The following LHFPL2 variants were observed in gnomAD, a reference collection of about 807,000 sequenced individuals.
LHFPL2 encodes LHFPL tetraspan subfamily member 2.
Under a neutral mutation model 17.5 loss-of-function variants are expected in LHFPL2, and 7 were observed. The ratio of observed to expected loss-of-function variants is 0.40; its 90% CI spans 0.23 to 0.75. The LOEUF is 0.75. LHFPL2 is among the 30% of genes least tolerant of loss of function. The pLI is 0.37. For synonymous variants in LHFPL2, 134 were observed against 116.2 expected (o/e 1.15, Z -0.99); for missense variants, 241 against 294.8 (o/e 0.82, Z 1.34).
chr5:78,586,922 G>C (rs899201713), intron 2 of LHFPL2, among the ~76,000 whole-genome samples: 18 of 152,044 alleles, frequency 1.2e-4, no homozygotes, highest in Non-Finnish European at 1.9e-4. Flanking sequence ...TCTTTTTGCT[G>C]CCTAATGAAT....
chr5:78,636,388 G>A (rs1329002264), intron 1 of LHFPL2, among the ~76,000 whole-genome samples: 1 of 152,212 alleles, frequency 6.6e-6, no homozygotes, highest in African/African-American at 2.4e-5. Flanking sequence ...CGGGTAAGGA[G>A]CTACTTCTAT....
At chr5:78,566,886 GCGAAAT>G in intron 2 of LHFPL2, among the ~76,000 whole-genome samples, 1 of 152,326 alleles carries the variant, frequency 6.6e-6, no homozygotes, top group Non-Finnish European at 1.5e-5. Flanking sequence ...AATGGCTTCT[GCGAAAT>G]ATGCCACTAG....
chr5:78,517,395 C>T (rs1157185352), intron 3 of LHFPL2, among the ~76,000 whole-genome samples: 1 of 152,214 alleles, frequency 6.6e-6, no homozygotes, highest in Non-Finnish European at 1.5e-5. Context: ...CTACCTCTGG[C>T]CACTCATTTC....
At chr5:78,643,783 G>A (rs1239219110) in intron 1 of LHFPL2, among the ~76,000 whole-genome samples, 3 of 152,110 alleles carry the variant, frequency 2.0e-5, no homozygotes, top group South Asian at 2.1e-4. Flanking sequence ...CATCAGGGTC[G>A]GGCATGGTGG....
intron 2 of LHFPL2, among the ~76,000 whole-genome samples, chr5:78,631,107 G>C (rs1211721299): frequency 6.6e-6 from 1 of 152,230 alleles, no homozygotes; most frequent in African/African-American, 2.4e-5. Flanking sequence ...GTATCAAAAT[G>C]ATTTAAACCT....
chr5:78,612,361 C>G (rs1392919633), intron 2 of LHFPL2, among the ~76,000 whole-genome samples: 1 of 152,200 alleles, frequency 6.6e-6, no homozygotes, highest in Non-Finnish European at 1.5e-5. Context: ...GGATTTGCAT[C>G]TTTCAGAACT....
At chr5:78,580,924 A>T (rs538097593) in intron 2 of LHFPL2, among the ~76,000 whole-genome samples, 1 of 152,328 alleles carries the variant, frequency 6.6e-6, no homozygotes, top group South Asian at 2.1e-4. Flanking sequence ...TTGAATCTAC[A>T]AATTACCTTG....
chr5:78,616,131 TG>T (rs67762385), intron 2 of LHFPL2, among the ~76,000 whole-genome samples: 99,762 of 133,420 alleles, frequency 0.75, 33,144 homozygotes, highest in South Asian at 0.81. Flanking sequence ...GTTGTTGTTT[TG>T]GGGGTTTTTT....
At chr5:78,542,131 T>C (rs771105432) in intron 3 of LHFPL2, among the ~76,000 whole-genome samples, 2 of 149,354 alleles carry the variant, frequency 1.3e-5, no homozygotes, top group Non-Finnish European at 3.0e-5. Flanking sequence ...TTTTTTTTAA[T>C]GTCATTAAGC....
At chr5:78,639,905 T>G (rs1745608972) in intron 1 of LHFPL2, among the ~76,000 whole-genome samples, 1 of 152,232 alleles carries the variant, frequency 6.6e-6, no homozygotes. Flanking sequence ...ATGAGGCTCC[T>G]GTGAATGCAA....
At chr5:78,532,271 G>A (rs1484353085) in intron 3 of LHFPL2, among the ~76,000 whole-genome samples, 1 of 150,916 alleles carries the variant, frequency 6.6e-6, no homozygotes, top group Non-Finnish European at 1.5e-5. Context: ...TGTTGCCCAA[G>A]CTCATCTCGA....
At chr5:78,611,352 T>A (rs1744417951) in intron 2 of LHFPL2, among the ~76,000 whole-genome samples, 1 of 152,242 alleles carries the variant, frequency 6.6e-6, no homozygotes, top group Non-Finnish European at 1.5e-5. Flanking sequence ...GGCTTTGAAC[T>A]CTGTCCATTG....
intron 2 of LHFPL2, among the ~76,000 whole-genome samples, chr5:78,616,122 T>C (rs1036496209): frequency 2.8e-5 from 1 of 36,048 alleles, no homozygotes; most frequent in Admixed American, 4.6e-4. Context: ...TTTGTTGTTG[T>C]TGTTGTTTTG....
chr5:78,492,708 G>A (rs187466208), intron 4 of LHFPL2, among the ~76,000 whole-genome samples: 11 of 152,334 alleles, frequency 7.2e-5, no homozygotes, highest in Admixed American at 7.2e-4. Flanking sequence ...ACATAAGAGT[G>A]CCATGCTTGT....
chr5:78,532,259 CATGTTGCCCAAGCT>C (rs1755805881), intron 3 of LHFPL2, among the ~76,000 whole-genome samples: 1 of 151,612 alleles, frequency 6.6e-6, no homozygotes, highest in Non-Finnish European at 1.5e-5. Flanking sequence ...GGGGTTTTGC[CATGTTGCCCAAGCT>C]CATCTCGAAC....
In LHFPL2 at chr5:78,485,795, G is replaced by A. The variant is rs1754218407; in HGVS notation, c.*3102C>T. On this transcript the variant is annotated 3_prime_UTR_variant, in exon 5 of 5. Coordinates refer to ENST00000380345, the MANE Select transcript of LHFPL2 (RefSeq NM_005779.3). ...GCTTCACATTTCACATGAAAGACTA[G>A]CATTAACTGGGCCTGGCGTGCGGGC... is the stretch of plus-strand genomic sequence containing the variant. 6.6e-6 allele frequency: 1 copy of A among 152,620 alleles called. No individual in the cohort carries two copies. Among genetic ancestry groups the A allele is most frequent in the Non-Finnish European group, 1.5e-5 (1 of 68,044 alleles). The allele number at this position is 152,620 out of a possible 1,614,324, so 9.5% of individuals were successfully genotyped here. A position where few individuals can be genotyped will look rare whatever the true frequency, so the allele number is the denominator to read the frequency against.
chr5:78,614,551 T>G (rs999686918), intron 2 of LHFPL2, among the ~76,000 whole-genome samples: 2 of 152,248 alleles, frequency 1.3e-5, no homozygotes, highest in African/African-American at 4.8e-5. Context: ...TATTACTACA[T>G]GCCAGACTCT....
intron 2 of LHFPL2, among the ~76,000 whole-genome samples, chr5:78,598,312 T>C (rs1010961856): frequency 6.6e-6 from 1 of 152,210 alleles, no homozygotes; most frequent in Admixed American, 6.5e-5. Context: ...CCAAGCACAT[T>C]TGAACATCAA....
At chr5:78,527,153 T>C (rs142111774) in intron 3 of LHFPL2, among the ~76,000 whole-genome samples, 41 of 152,290 alleles carry the variant, frequency 2.7e-4, no homozygotes, top group Middle Eastern at 3.4e-3. Context: ...CAAGTCACCA[T>C]TTCCATTGCT....
Sources: gnomAD v4.1 joint callset for allele counts (sites outside exome capture counted in the v4.1 genomes callset) on GRCh38, gnomAD v4.1.1 for gene constraint, MANE v1.5 for transcripts, NCBI Gene and HGNC (gene_info 2026-07-23, HGNC 2026-07-21) for gene names.